RAD9B: variants seen among roughly 807,000 people sequenced by gnomAD.
The protein encoded by RAD9B is cell cycle checkpoint control protein RAD9B.
In RAD9B, 41 loss-of-function variants were observed where a neutral mutation model predicts 48.3. The observed-to-expected ratio is 0.85, with a 90% CI of 0.66 to 1.10. The LOEUF (loss-of-function observed/expected upper bound fraction) is 1.10, where lower values mean the gene tolerates loss of function less well. Among genes scored for constraint, RAD9B ranks in the 50% least tolerant of loss-of-function variants. RAD9B has a pLI of 0.00. For missense variants in RAD9B, 444 were observed against 485.1 expected (o/e 0.92, Z 0.80); for synonymous variants, 160 against 157.9 (o/e 1.01, Z -0.10).
chr12:110,529,514 G>GTGAAGGCAGGAGGATTGCT (rs1348699689), intron 10 of RAD9B, among the ~76,000 whole-genome samples: 1 of 152,166 alleles, frequency 6.6e-6, no homozygotes, highest in Non-Finnish European at 1.5e-5. Context: ...ACTTTGGGAG[G>GTGAAGGCAGGAGGATTGCT]TGAAGGCAGG....
chr12:110,507,533 TATA>T (rs1413893848), intron 4 of RAD9B, among the ~76,000 whole-genome samples: 5 of 44,464 alleles, frequency 1.1e-4, no homozygotes, highest in Admixed American at 2.2e-4. Flanking sequence ...ATGTATTAAA[TATA>T]ATACATAATA....
intron 10 of RAD9B, among the ~76,000 whole-genome samples, chr12:110,523,376 A>T (rs2063841803): frequency 6.6e-6 from 1 of 152,172 alleles, no homozygotes; most frequent in Non-Finnish European, 1.5e-5. Context: ...TCAGTGAGCT[A>T]TGATCGCACA....
chr12:110,531,120 A>ATTGTT lies in RAD9B; in HGVS notation c.*470_*474dup. 1.0e-6 allele frequency: 1 copy of ATTGTT among 992,566 alleles called. No homozygotes were observed. Among genetic ancestry groups the ATTGTT allele is most frequent in the Non-Finnish European group, 1.2e-6 (1 of 834,036 alleles). The allele number at this position is 992,566 out of a possible 1,614,324, so 61.5% of individuals were successfully genotyped here. ...TGTAATACCATGGCCTTTTTTGTGC[A>ATTGTT]TTGTTTTTTATATTTTAAGACTTTA... On this transcript the variant is annotated 3_prime_UTR_variant, in exon 11 of 11. Coordinates refer to ENST00000409300, the MANE Select transcript of RAD9B (RefSeq NM_001286535.2).
chr12:110,529,589 GAAAA>G (rs1320305977), intron 10 of RAD9B, among the ~76,000 whole-genome samples: 1 of 142,454 alleles, frequency 7.0e-6, no homozygotes, highest in Non-Finnish European at 1.5e-5. Flanking sequence ...GGTCTTTACG[GAAAA>G]AAAAAAAAAG....
intron 10 of RAD9B, 91 bp from the exon 11 acceptor site, chr12:110,530,434 G>A (rs1593127427): frequency 2.6e-6 from 3 of 1,145,734 alleles, no homozygotes; most frequent in Non-Finnish European, 3.9e-6. Flanking sequence ...TATAATACTG[G>A]TCAGGTTTCT....
Position 110,530,941 on chromosome 12 carries a change from A to G in RAD9B, c.*288A>G. 9.1e-7 allele frequency: 1 copy of G among 1,099,734 alleles called. No individual in the cohort carries two copies. The allele number at this position is 1,099,734 out of a possible 1,614,324, so 68.1% of individuals were successfully genotyped here. On this transcript the variant is annotated 3_prime_UTR_variant, in exon 11 of 11. Coordinates refer to ENST00000409300, the MANE Select transcript of RAD9B (RefSeq NM_001286535.2). Reference sequence around the variant, plus strand: ...TCAATTCAATGCACGTTCACCCTAGAGCTTTTAACATCTTTGCTAGTTTTA... The same window carrying G: ...TCAATTCAATGCACGTTCACCCTAGGGCTTTTAACATCTTTGCTAGTTTTA...
chr12:110,513,059 G>T (rs773962754), intron 5 of RAD9B, among the ~76,000 whole-genome samples, 181 bp downstream of exon 5: 3 of 151,764 alleles, frequency 2.0e-5, no homozygotes, highest in Non-Finnish European at 4.4e-5. Flanking sequence ...TCCGCCTCCT[G>T]GGTTGACACC....
chr12:110,520,120 G>C (rs1426267996), intron 9 of RAD9B, among the ~76,000 whole-genome samples: 2 of 152,180 alleles, frequency 1.3e-5, no homozygotes, highest in African/African-American at 2.4e-5. Context: ...TGCTTTTTCT[G>C]TTCTGACCAG....
At chr12:110,526,908 C>CAAA (rs113540015) in intron 10 of RAD9B, among the ~76,000 whole-genome samples, 1 of 72,486 alleles carries the variant, frequency 1.4e-5, no homozygotes, top group Non-Finnish European at 2.7e-5. Flanking sequence ...GACTCCATCT[C>CAAA]AAAAAAAAAA....
chr12:110,522,671 G>C (rs2063820941), intron 10 of RAD9B, among the ~76,000 whole-genome samples: 1 of 152,130 alleles, frequency 6.6e-6, no homozygotes, highest in South Asian at 2.1e-4. Flanking sequence ...GTAGAGGTTT[G>C]GGTCACTTGT....
At chr12:110,514,429 A>ACAT (rs1392163887) in intron 5 of RAD9B, among the ~76,000 whole-genome samples, 1 of 152,226 alleles carries the variant, frequency 6.6e-6, no homozygotes, top group Non-Finnish European at 1.5e-5. Flanking sequence ...AAGATGCCCA[A>ACAT]CATCATTAGT....
rs1249328763 is a variant in RAD9B at position 110,522,298 on chromosome 12, T to C, written c.1012T>C (p.Leu338=). ...PKETLTNISA[L]ENCGSPAMKR... ...GGAGACTCTCACAAACATATCTGCA[T>C]TGGAAAACTGTGGCAGCCCTGCAAT... The change falls in exon 10 of 11, where the codon TTG becomes CTG. Residue 338 remains leucine, a synonymous_variant. Coordinates refer to ENST00000409300, the MANE Select transcript of RAD9B (RefSeq NM_001286535.2). 1.9e-6 allele frequency: 3 copies of C among 1,613,520 alleles called. No individual in the cohort carries two copies. Among genetic ancestry groups the C allele is most frequent in the African/African-American group, 1.3e-5 (1 of 74,910 alleles).
chr12:110,513,551 T>C (rs891590772), intron 5 of RAD9B, among the ~76,000 whole-genome samples: 3 of 151,966 alleles, frequency 2.0e-5, no homozygotes, highest in African/African-American at 7.2e-5. Flanking sequence ...CTCTAGATAA[T>C]GAGTAAGGCA....
chr12:110,522,109 C>T lies in RAD9B; in HGVS notation c.891-68C>T, dbSNP rs2063804213. ...TGCTATCATTGTCATCCCACATTGT[C>T]CATTAGTTATATAAAAATATATTTC... On this transcript the variant is annotated intron_variant, in intron 9 of 10. Transcript: ENST00000409300. 1.4e-5 allele frequency: 14 copies of T among 1,007,944 alleles called. No homozygotes were observed. The South Asian group carries it at 2.2e-4, about 16-fold the overall frequency. The allele number at this position is 1,007,944 out of a possible 1,614,324, so 62.4% of individuals were successfully genotyped here.
chr12:110,522,429 C>T lies in RAD9B; in HGVS notation c.1125+18C>T. 1 of 1,513,060 alleles carries T rather than the reference C, an allele frequency of 6.6e-7. No individual in the cohort carries two copies. The allele number at this position is 1,513,060 out of a possible 1,614,324, so 93.7% of individuals were successfully genotyped here. On this transcript the variant is annotated intron_variant, in intron 10 of 10. Coordinates refer to ENST00000409300, the MANE Select transcript of RAD9B (RefSeq NM_001286535.2). Reference sequence around the variant, plus strand: ...TCAGAAAGGTAAAAGCATTGAGATTCAACCACATCTCAGTCAAGAATTCTC... The same window carrying T: ...TCAGAAAGGTAAAAGCATTGAGATTTAACCACATCTCAGTCAAGAATTCTC...
chr12:110,528,299 G>A (rs1360086954), intron 10 of RAD9B, among the ~76,000 whole-genome samples: 1 of 152,216 alleles, frequency 6.6e-6, no homozygotes, highest in Non-Finnish European at 1.5e-5. Flanking sequence ...GCAGGACTTG[G>A]TGATGGATTG....
At chr12:110,520,892 G>A in intron 9 of RAD9B, among the ~76,000 whole-genome samples, 1 of 149,874 alleles carries the variant, frequency 6.7e-6, no homozygotes, top group East Asian at 2.0e-4. Flanking sequence ...CTTGTGATCT[G>A]CCCGCCTCAG....
chr12:110,507,470 TATATGTATTAAATATAATACATA>T (rs1165413723), intron 4 of RAD9B, among the ~76,000 whole-genome samples: 900 of 14,632 alleles, frequency 0.062, 8 homozygotes, highest in South Asian at 0.094. Flanking sequence ...AAGTATAATA[TATATGTATTAAATATAATACATA>T]ATATATGTAT....
At chr12:110,519,409 T>TTTG (rs200200978) in intron 8 of RAD9B, among the ~76,000 whole-genome samples, 4,881 of 116,754 alleles carry the variant, frequency 0.042, 87 homozygotes, top group African/African-American at 0.087. Flanking sequence ...CGGCCTACTG[T>TTTG]TTGTTGTTGT....
Sources: allele counts gnomAD v4.1 joint callset (sites outside exome capture counted in the v4.1 genomes callset), GRCh38; gene constraint gnomAD v4.1.1; transcripts MANE v1.5; gene names NCBI Gene and HGNC (gene_info 2026-07-23, HGNC 2026-07-21).